The following KLF16 variants were observed in gnomAD, a reference collection of about 807,000 sequenced individuals.
KLF16 encodes Krueppel-like factor 16.
KLF16 carries 6 observed loss-of-function variants against 6.1 expected under a neutral mutation model. The ratio of observed to expected loss-of-function variants is 0.98; its 90% CI spans 0.54 to 1.93. The LOEUF is 1.93. KLF16 is among the 30% of genes most tolerant of loss of function. The pLI, the probability that KLF16 is intolerant of heterozygous loss-of-function variation, is 0.01. For synonymous variants in KLF16, 211 were observed against 176.5 expected, an observed-to-expected ratio of 1.20 and a Z score of -1.55; for missense variants, 355 against 363.8, an observed-to-expected ratio of 0.98 and a Z score of 0.20.
Position 1,854,151 on chromosome 19 carries a change from A to T in KLF16, c.*308T>A. ...AACCCCACCCCGGGAGGGGGGCAGC[A>T]GGGGGTGGTGGAGAGGAGAGGGGAG... On this transcript the variant is annotated 3_prime_UTR_variant, in exon 2 of 2. Transcript: ENST00000250916. 3.2e-6 allele frequency: 1 copy of T among 313,256 alleles called. No individual in the cohort carries two copies. The allele number at this position is 313,256 out of a possible 1,614,324, so 19.4% of individuals were successfully genotyped here.
Position 1,863,300 on chromosome 19 carries a change from A to T in KLF16, c.198T>A (p.Ser66=). The T allele has an allele frequency of 1.0e-6, 1 of 980,216 alleles. No individual in the cohort carries two copies. The highest frequency in any genetic ancestry group is 1.2e-6 in the Non-Finnish European group (1 of 828,668). 60.7% of individuals were successfully genotyped at this position (980,216 alleles called of 1,614,324 possible). ...PGPPPPPPAA[S]GPGPGAAAAP... ...CCGCGGCGGCGCCGGGGCCCGGGCCAGAAGCGGCGGGGGGCGGCGGGGGTG... is the reference window on the plus strand; with the variant it reads ...CCGCGGCGGCGCCGGGGCCCGGGCCTGAAGCGGCGGGGGGCGGCGGGGGTG... Residue 66 remains serine (S), a synonymous_variant, in exon 1 of 2, where the codon TCT becomes TCA. Transcript: ENST00000250916.
At chr19:1,858,411 T>C (rs1263744863) in intron 1 of KLF16, among the ~76,000 whole-genome samples, 1 of 152,152 alleles carries the variant, frequency 6.6e-6, no homozygotes, top group Non-Finnish European at 1.5e-5. Context: ...TCAGCTTCTC[T>C]GTCTTTGTAC....
intron 1 of KLF16, among the ~76,000 whole-genome samples, chr19:1,860,001 G>A (rs2012030716): frequency 6.6e-6 from 1 of 152,116 alleles, no homozygotes. Context: ...TAAGTGCGGA[G>A]GAGAGAAGCC....
upstream of KLF16, among the ~76,000 whole-genome samples, chr19:1,866,570 T>G (rs1483189209): frequency 6.6e-6 from 1 of 150,838 alleles, no homozygotes; most frequent in South Asian, 2.1e-4. Context: ...GCCGAGATCG[T>G]GCCACTGCAC....
At chr19:1,856,405 G>A (rs767571744) in intron 1 of KLF16, among the ~76,000 whole-genome samples, 17 of 152,178 alleles carry the variant, frequency 1.1e-4, no homozygotes, top group Non-Finnish European at 2.4e-4. Context: ...GACACCCTCA[G>A]CAAAACAAGA....
the KLF16 span, among the ~76,000 whole-genome samples, chr19:1,873,842 C>T: frequency 6.6e-6 from 1 of 152,222 alleles, no homozygotes; most frequent in Non-Finnish European, 1.5e-5. Flanking sequence ...CCTGAAGGCC[C>T]GGACTCGGTT....
chr19:1,873,162 G>A, the KLF16 span, among the ~76,000 whole-genome samples: 1 of 152,206 alleles, frequency 6.6e-6, no homozygotes, highest in African/African-American at 2.4e-5. Context: ...AGCCAGCCGG[G>A]TGGGTCCCAC....
intron 1 of KLF16, among the ~76,000 whole-genome samples, chr19:1,855,930 G>C (rs139290472): frequency 6.6e-6 from 1 of 152,242 alleles, no homozygotes; most frequent in Non-Finnish European, 1.5e-5. Flanking sequence ...CATGCCCCTC[G>C]TGGCACTGGT....
At chr19:1,873,669 T>A in the KLF16 span, among the ~76,000 whole-genome samples, 2 of 151,928 alleles carry the variant, frequency 1.3e-5, no homozygotes. Flanking sequence ...TACTCCCAGG[T>A]GGCCTGGCCC....
Position 1,854,369 on chromosome 19 carries a change from G to A in KLF16, c.*90C>T. The stretch of plus-strand genomic sequence containing the variant: ...GGGGTGTCTTCAGGGTTTGCCCACG[G>A]CTGGAAGGGGCCCAGGCTCCCCGTG... On this transcript the variant is annotated 3_prime_UTR_variant, in exon 2 of 2. Coordinates refer to ENST00000250916, the MANE Select transcript of KLF16 (RefSeq NM_031918.4). The A allele has an allele frequency of 7.4e-7, 1 of 1,348,828 alleles. No individual in the cohort carries two copies. Among genetic ancestry groups the A allele is most frequent in the Non-Finnish European group, 9.5e-7 (1 of 1,055,684 alleles). 83.6% of individuals were successfully genotyped at this position (1,348,828 alleles called of 1,614,324 possible).
chr19:1,859,716 G>A lies in KLF16; in HGVS notation c.457+3325C>T, dbSNP rs1403568547. ...GTTGCCACCCCCCACCCCGCCCCCC[G>A]CCACCACGGACACAGTTCCCTAAGT... is the stretch of plus-strand genomic sequence containing the variant. On this transcript the variant is annotated intron_variant, in intron 1 of 1. Coordinates refer to ENST00000250916, the MANE Select transcript of KLF16 (RefSeq NM_031918.4). Among the ~76,000 whole-genome samples the A allele has an allele frequency of 3.9e-5, 6 of 152,152 alleles. No individual in the cohort carries two copies. The East Asian group carries it at 9.7e-4, about 25-fold the overall frequency.
the KLF16 span, among the ~76,000 whole-genome samples, chr19:1,870,831 A>G: frequency 8.5e-5 from 13 of 152,166 alleles, no homozygotes; most frequent in South Asian, 2.7e-3. Context: ...CCCCGTCTCT[A>G]CTAAAAATAC....
the KLF16 span, among the ~76,000 whole-genome samples, chr19:1,872,754 C>T: frequency 4.6e-5 from 7 of 152,134 alleles, no homozygotes; most frequent in East Asian, 1.9e-4. Context: ...GCCGGGGTCT[C>T]GGCTACTTCT....
At chr19:1,875,772 T>G in the KLF16 span, 1 of 152,346 alleles carries the variant, frequency 6.6e-6, no homozygotes, top group African/African-American at 2.4e-5. Flanking sequence ...TCGGGAGGCA[T>G]GAAAGGCAGA....
At chr19:1,863,824 C>A (rs1482312551), upstream of KLF16, among the ~76,000 whole-genome samples, 1 of 144,644 alleles carries the variant, frequency 6.9e-6, no homozygotes, top group African/African-American at 2.5e-5. Flanking sequence ...GAGGAACCCG[C>A]CCCCCGGCGC....
chr19:1,858,331 G>A (rs1280965867), intron 1 of KLF16, among the ~76,000 whole-genome samples: 1 of 152,198 alleles, frequency 6.6e-6, no homozygotes, highest in Non-Finnish European at 1.5e-5. Context: ...ACTGATGGCT[G>A]ATCCTGCCCG....
At chr19:1,865,048 G>A (rs2012164256), upstream of KLF16, among the ~76,000 whole-genome samples, 1 of 152,240 alleles carries the variant, frequency 6.6e-6, no homozygotes, top group Admixed American at 6.5e-5. Flanking sequence ...CCCTGAGGCT[G>A]ACCACTGTTC....
At chr19:1,868,933 G>A in the KLF16 span, among the ~76,000 whole-genome samples, 9 of 151,872 alleles carry the variant, frequency 5.9e-5, no homozygotes, top group African/African-American at 2.2e-4. Flanking sequence ...GTGAGCCACC[G>A]CACCCGGCCG....
chr19:1,860,003 A>G (rs1002861793), intron 1 of KLF16, among the ~76,000 whole-genome samples: 1 of 151,764 alleles, frequency 6.6e-6, no homozygotes, highest in Non-Finnish European at 1.5e-5. Context: ...AGTGCGGAGG[A>G]GAGAAGCCCT....
Sources: gnomAD v4.1 joint callset for allele counts (sites outside exome capture counted in the v4.1 genomes callset) on GRCh38, gnomAD v4.1.1 for gene constraint, MANE v1.5 for transcripts, NCBI Gene and HGNC (gene_info 2026-07-23, HGNC 2026-07-21) for gene names.